The following FMNL2 variants were observed in gnomAD, a reference collection of about 807,000 sequenced individuals.
The protein encoded by FMNL2 is formin like 2.
FMNL2 carries 51 observed loss-of-function variants against 130.2 expected under a neutral mutation model. That is an observed-to-expected ratio of 0.39 (90% CI 0.31 to 0.49). The LOEUF is 0.49. Ranked by LOEUF, FMNL2 falls within the 20% of genes least tolerant of loss-of-function variation. The pLI, the probability that FMNL2 is intolerant of heterozygous loss-of-function variation, is 0.85. For missense variants in FMNL2, 977 were observed against 1,316.2 expected (o/e 0.74, Z 3.99); for synonymous variants, 465 against 467.1 (o/e 1.00, Z 0.06).
Position 152,560,898 on chromosome 2 carries a change from T to C in FMNL2, c.459T>C (p.Ser153=), listed in dbSNP as rs763443633. 3.7e-6 allele frequency: 6 copies of C among 1,610,762 alleles called. No individual in the cohort carries two copies. The East Asian group carries it at 8.9e-5, about 24-fold the overall frequency. Residue 153 remains serine, a synonymous_variant, in exon 6 of 26, where the codon AGT becomes AGC. Transcript: ENST00000288670. ...AQYAVTFDFE[S]VESTVESSVD... is the part of the protein sequence containing the mutation. ...TTTGTTTTAGTTTTGACTTTGAAAG[T>C]GTGGAGAGTACTGTGGAGAGCTCGG...
chr2:152,594,546 C>T (rs996857054), intron 9 of FMNL2, among the ~76,000 whole-genome samples: 7 of 152,060 alleles, frequency 4.6e-5, no homozygotes, highest in Non-Finnish European at 1.0e-4. Flanking sequence ...CTAAGGACGT[C>T]GCTGTTTCCC....
At chr2:152,364,160 G>C (rs1683350820) in intron 1 of FMNL2, among the ~76,000 whole-genome samples, 2 of 151,572 alleles carry the variant, frequency 1.3e-5, no homozygotes, top group Non-Finnish European at 2.9e-5. Context: ...GCAGAAGTAG[G>C]GTTAAGAATT....
intron 1 of FMNL2, among the ~76,000 whole-genome samples, chr2:152,396,496 C>A (rs1685401144): frequency 6.6e-6 from 1 of 152,210 alleles, no homozygotes; most frequent in African/African-American, 2.4e-5. Flanking sequence ...TCTGGTAGTT[C>A]ATTTCTACTT....
intron 1 of FMNL2, among the ~76,000 whole-genome samples, chr2:152,339,502 C>T (rs954820497): frequency 6.6e-6 from 1 of 152,126 alleles, no homozygotes; most frequent in African/African-American, 2.4e-5. Flanking sequence ...AAAGGCACAC[C>T]CTTGGATGCC....
intron 1 of FMNL2, among the ~76,000 whole-genome samples, chr2:152,498,736 C>G (rs1262594123): frequency 6.6e-6 from 1 of 152,170 alleles, no homozygotes; most frequent in African/African-American, 2.4e-5. Context: ...CTCTCTACCA[C>G]CACCCTTTTT....
rs375236749 is a variant in FMNL2, at chr2:152,542,789, A to G, written c.252A>G (p.Lys84=). The part of the protein sequence containing the change: ...NPPHTYIQKL[K]GYLDPAVTRK... ...CCCATACATACATTCAAAAGCTCAA[A>G]GGCTATCTGGATCCAGCTGTAACCA... The change falls in exon 3 of 26, where the codon AAA becomes AAG. Residue 84 remains lysine, a synonymous_variant. Transcript: ENST00000288670. 2.3e-5 allele frequency: 37 copies of G among 1,614,044 alleles called. 1 individual carries two copies. The African/African-American group carries it at 4.4e-4, about 19-fold the overall frequency.
chr2:152,631,804 T>C (rs906194431), intron 20 of FMNL2, among the ~76,000 whole-genome samples: 9 of 152,146 alleles, frequency 5.9e-5, no homozygotes, highest in Non-Finnish European at 1.0e-4. Flanking sequence ...TGTGCCCTGG[T>C]TGGAAAGTCC....
chr2:152,515,968 T>A (rs1446855554), intron 1 of FMNL2, among the ~76,000 whole-genome samples: 2 of 152,316 alleles, frequency 1.3e-5, no homozygotes, highest in East Asian at 3.9e-4. Flanking sequence ...CACCCGTAAT[T>A]AGTAGAGTCA....
intron 2 of FMNL2, among the ~76,000 whole-genome samples, chr2:152,542,043 T>C (rs1030913919): frequency 1.3e-5 from 2 of 152,208 alleles, no homozygotes; most frequent in African/African-American, 2.4e-5. Context: ...GAAATGTTGA[T>C]TCTTGGGCCC....
At chr2:152,589,924 C>G (rs1251624132) in intron 9 of FMNL2, among the ~76,000 whole-genome samples, 1 of 127,936 alleles carries the variant, frequency 7.8e-6, no homozygotes, top group African/African-American at 2.9e-5. Flanking sequence ...CATGTACCAC[C>G]ACACCTGGCT....
In FMNL2 at chr2:152,453,819, A is replaced by G. The variant is rs1248399687; in HGVS notation, c.118-68124A>G. Among the ~76,000 whole-genome samples the G allele has an allele frequency of 2.0e-5, 3 of 152,228 alleles. No individual in the cohort carries two copies. The East Asian group carries it at 5.8e-4, about 29-fold the overall frequency. Reference sequence around the variant, plus strand: ...CAGAAAGCCAAGGCGTTAGAGCCTAATTGGAAACAATACATGCCCCAAATG... The same window carrying G: ...CAGAAAGCCAAGGCGTTAGAGCCTAGTTGGAAACAATACATGCCCCAAATG... On this transcript the variant is annotated intron_variant, in intron 1 of 25. Coordinates refer to ENST00000288670, the MANE Select transcript of FMNL2 (RefSeq NM_052905.4).
chr2:152,601,981 A>G lies in FMNL2; in HGVS notation c.877-5358A>G, dbSNP rs115635366. On this transcript the variant is annotated intron_variant, in intron 9 of 25. Transcript: ENST00000288670. ...CACTGCACCTGGCCTAAGGCTCTCA[A>G]CTTGATAGATGTGAAAACTGAAGTC... Among the ~76,000 whole-genome samples, 777 of 152,220 alleles carry G rather than the reference A, an allele frequency of 5.1e-3. 5 individuals are homozygous for G. The highest frequency in any genetic ancestry group is 0.018 in the African/African-American group (731 of 41,538).
At position 152,625,427 on chromosome 2, in the gene FMNL2, G is replaced by T. The variant is rs766641500; in HGVS notation, c.1838-11G>T. On this transcript the variant is annotated splice_polypyrimidine_tract_variant and intron_variant, in intron 15 of 25. Coordinates refer to ENST00000288670, the MANE Select transcript of FMNL2 (RefSeq NM_052905.4). ...GTGGGATCTTAATTCCATTCTCTTT[G>T]ATGTCTTTAGCTGTGAAAATTAAGA... 1 of 1,600,710 alleles carries T rather than the reference G, an allele frequency of 6.2e-7. No homozygotes were observed. Among genetic ancestry groups the T allele is most frequent in the Admixed American group, 1.7e-5 (1 of 59,804 alleles).
intron 1 of FMNL2, among the ~76,000 whole-genome samples, chr2:152,426,874 G>A (rs1450745596): frequency 6.6e-6 from 1 of 152,154 alleles, no homozygotes; most frequent in Non-Finnish European, 1.5e-5. Flanking sequence ...AGCCTAACAG[G>A]TATTTGTAAG....
chr2:152,412,446 T>TTATA (rs56681937), intron 1 of FMNL2, among the ~76,000 whole-genome samples: 42 of 103,200 alleles, frequency 4.1e-4, no homozygotes, highest in African/African-American at 9.8e-4. Flanking sequence ...TCTGTATATT[T>TTATA]TATATATATA....
At chr2:152,488,862 G>C (rs1690983415) in intron 1 of FMNL2, among the ~76,000 whole-genome samples, 1 of 152,100 alleles carries the variant, frequency 6.6e-6, no homozygotes, top group Non-Finnish European at 1.5e-5. Context: ...AGGATCACTT[G>C]AGGCTAGGAG....
chr2:152,412,446 T>A (rs75902965), intron 1 of FMNL2, among the ~76,000 whole-genome samples: 1,031 of 102,600 alleles, frequency 0.01, 26 homozygotes, highest in East Asian at 0.02. Context: ...TCTGTATATT[T>A]TATATATATA....
chr2:152,616,681 C>T (rs1352097317), intron 12 of FMNL2, among the ~76,000 whole-genome samples: 2 of 152,118 alleles, frequency 1.3e-5, no homozygotes, highest in African/African-American at 4.8e-5. Context: ...AACTGGCTAC[C>T]TAGATTGAAA....
At chr2:152,377,438 T>G (rs1448800835) in intron 1 of FMNL2, among the ~76,000 whole-genome samples, 2 of 152,244 alleles carry the variant, frequency 1.3e-5, no homozygotes, top group South Asian at 2.1e-4. Flanking sequence ...AATGCATTTA[T>G]TTTTTATCTT....
Sources: allele counts gnomAD v4.1 joint callset (sites outside exome capture counted in the v4.1 genomes callset), GRCh38; gene constraint gnomAD v4.1.1; transcripts MANE v1.5; gene names NCBI Gene and HGNC (gene_info 2026-07-23, HGNC 2026-07-21).